The following SLC23A2 variants were observed in gnomAD, a reference collection of about 807,000 sequenced individuals.
The protein encoded by SLC23A2 is Na(+)/L-ascorbic acid transporter 2.
A neutral mutation model predicts 73.3 loss-of-function variants in SLC23A2; 36 were observed. That is an observed-to-expected ratio of 0.49 (90% confidence interval 0.38 to 0.65). The LOEUF is 0.65. Among genes scored for constraint, SLC23A2 ranks in the 30% least tolerant of loss-of-function variants. The pLI, the probability that SLC23A2 is intolerant of heterozygous loss-of-function variation, is 0.00. For missense variants in SLC23A2, 507 were observed against 841.6 expected, an observed-to-expected ratio of 0.60 and a Z score of 4.92; for synonymous variants, 343 against 327.3, an observed-to-expected ratio of 1.05 and a Z score of -0.52.
chr20:4,989,155 C>T (rs1392451777), intron 1 of SLC23A2, among the ~76,000 whole-genome samples: 1 of 150,846 alleles, frequency 6.6e-6, no homozygotes, highest in Middle Eastern at 3.2e-3. Flanking sequence ...AGGAGAATCA[C>T]TTGAACCTGG....
At chr20:4,864,898 G>A (rs553361750) in intron 13 of SLC23A2, among the ~76,000 whole-genome samples, 8 of 152,318 alleles carry the variant, frequency 5.3e-5, no homozygotes, top group African/African-American at 1.9e-4. Flanking sequence ...CTGGCCCCAG[G>A]GATACCTGAA....
At chr20:4,925,379 C>T (rs1932634099) in intron 3 of SLC23A2, among the ~76,000 whole-genome samples, 2 of 152,116 alleles carry the variant, frequency 1.3e-5, no homozygotes, top group African/African-American at 4.8e-5. Flanking sequence ...ATTTATTTTT[C>T]TTCACAGAAT....
At chr20:4,957,455 T>C (rs2087308857) in intron 2 of SLC23A2, among the ~76,000 whole-genome samples, 1 of 151,484 alleles carries the variant, frequency 6.6e-6, no homozygotes, top group African/African-American at 2.4e-5. Flanking sequence ...AGCGACACTA[T>C]CTCTAAAAAT....
At chr20:4,898,027 C>T (rs6052961) in intron 6 of SLC23A2, among the ~76,000 whole-genome samples, 44,883 of 152,196 alleles carry the variant, frequency 0.29, 7,326 homozygotes, top group Non-Finnish European at 0.38. Flanking sequence ...CTGCCGTGCA[C>T]TCTGGACTTG....
intron 2 of SLC23A2, among the ~76,000 whole-genome samples, chr20:4,944,906 T>C (rs1004715676): frequency 5.9e-5 from 9 of 151,960 alleles, no homozygotes; most frequent in African/African-American, 2.2e-4. Flanking sequence ...TTGACCTAAA[T>C]GCTTTTAATT....
chr20:4,918,065 C>CAAAA (rs1461720373), intron 3 of SLC23A2, among the ~76,000 whole-genome samples: 101 of 152,228 alleles, frequency 6.6e-4, no homozygotes, highest in African/African-American at 2.3e-3. Context: ...GATTAAAATG[C>CAAAA]TGATGATAGT....
intron 4 of SLC23A2, among the ~76,000 whole-genome samples, chr20:4,908,439 C>T (rs1219809633): frequency 1.3e-5 from 2 of 152,134 alleles, no homozygotes; most frequent in Non-Finnish European, 2.9e-5. Context: ...GCCTCAACAG[C>T]CCCTGATTTG....
intron 2 of SLC23A2, among the ~76,000 whole-genome samples, chr20:4,954,955 A>G (rs771051269): frequency 1.3e-5 from 2 of 152,126 alleles, no homozygotes; most frequent in Non-Finnish European, 1.5e-5. Flanking sequence ...CCAGGACAAT[A>G]AGAAAAAGAT....
chr20:4,977,580 C>T (rs907499764), intron 1 of SLC23A2, among the ~76,000 whole-genome samples: 5 of 151,702 alleles, frequency 3.3e-5, no homozygotes, highest in African/African-American at 7.3e-5. Context: ...CACCTGTAGT[C>T]CCAGCTACTG....
At chr20:4,873,873 T>C in intron 11 of SLC23A2, 63 bp downstream of exon 11, 1 of 1,508,980 alleles carries the variant, frequency 6.6e-7, no homozygotes, top group Non-Finnish European at 9.0e-7. Context: ...TTCTGCCAAA[T>C]TCCCACCCCT....
intron 3 of SLC23A2, among the ~76,000 whole-genome samples, chr20:4,926,293 T>C (rs1324706983): frequency 6.6e-6 from 1 of 152,162 alleles, no homozygotes; most frequent in Admixed American, 6.5e-5. Flanking sequence ...GCTTAAACGC[T>C]TTCCCTGACT....
intron 2 of SLC23A2, among the ~76,000 whole-genome samples, chr20:4,966,669 G>T (rs2087479803): frequency 6.6e-6 from 1 of 151,944 alleles, no homozygotes; most frequent in Admixed American, 6.6e-5. Context: ...AATTACATAT[G>T]TGACTTCCAT....
At chr20:4,867,453 A>G (rs1179502084) in intron 13 of SLC23A2, among the ~76,000 whole-genome samples, 1 of 152,144 alleles carries the variant, frequency 6.6e-6, no homozygotes, top group East Asian at 1.9e-4. Flanking sequence ...GATTGCTAGA[A>G]TGTAAACTCC....
intron 2 of SLC23A2, among the ~76,000 whole-genome samples, chr20:4,967,823 A>C (rs1473952984): frequency 6.6e-6 from 1 of 152,186 alleles, no homozygotes; most frequent in Non-Finnish European, 1.5e-5. Flanking sequence ...AACCAGAACC[A>C]TGCACCCAGT....
At chr20:4,985,046 AGAATCACTT>A (rs1171350286) in intron 1 of SLC23A2, among the ~76,000 whole-genome samples, 1 of 151,306 alleles carries the variant, frequency 6.6e-6, no homozygotes, top group Non-Finnish European at 1.5e-5. Flanking sequence ...CTGAGGCAGG[AGAATCACTT>A]GATCCCGGGA....
chr20:4,868,559 T>C lies in SLC23A2; in HGVS notation c.1251-684A>G, dbSNP rs917203154. On this transcript the variant is annotated intron_variant, in intron 12 of 16. Transcript: ENST00000338244. This position sits in a 1 kb window ranked among gnomAD's most constrained non-coding sequence, Gnocchi z 4.4. ...GCCGTCTATGGAAATAAAACATTGA[T>C]GTGATCCTTTACTCTTAAAATCCAG... 1.3e-5 allele frequency among the ~76,000 whole-genome samples: 2 copies of C among 152,228 alleles called. No homozygotes were observed. Among genetic ancestry groups the C allele is most frequent in the African/African-American group, 4.8e-5 (2 of 41,464 alleles).
At chr20:4,933,026 G>A (rs1932806184) in intron 2 of SLC23A2, among the ~76,000 whole-genome samples, 1 of 152,078 alleles carries the variant, frequency 6.6e-6, no homozygotes, top group Non-Finnish European at 1.5e-5. Flanking sequence ...TCATAACCCA[G>A]CACTACCTAA....
intron 1 of SLC23A2, among the ~76,000 whole-genome samples, chr20:4,993,465 G>T (rs192181372): frequency 8.0e-4 from 117 of 145,996 alleles, no homozygotes; most frequent in African/African-American, 2.9e-3. Flanking sequence ...CTAGTCATAA[G>T]CACTTCGGAG....
chr20:4,886,103 C>T, intron 6 of SLC23A2, 194 bp from the exon 7 acceptor site: 1 of 515,478 alleles, frequency 1.9e-6, no homozygotes, highest in Non-Finnish European at 3.5e-6. Context: ...TTCATCCTCC[C>T]CATTGCCACT....
Sources: allele counts gnomAD v4.1 joint callset (sites outside exome capture counted in the v4.1 genomes callset), GRCh38; gene constraint gnomAD v4.1.1; non-coding constraint Gnocchi (gnomAD v3.1); transcripts MANE v1.5; gene names NCBI Gene and HGNC (gene_info 2026-07-23, HGNC 2026-07-21).